AFG1L: variants seen among roughly 807,000 people sequenced by gnomAD.
AFG1L encodes the protein AFG1-like ATPase.
AFG1L carries 53 observed loss-of-function variants against 62.2 expected under a neutral mutation model. The ratio of observed to expected loss-of-function variants is 0.85; its 90% CI spans 0.68 to 1.07. AFG1L has a LOEUF of 1.07. Among genes scored for constraint, AFG1L ranks in the 50% least tolerant of loss-of-function variants. AFG1L has a pLI of 0.00. For synonymous variants in AFG1L, 228 were observed against 210.3 expected (o/e 1.08, Z -0.73); for missense variants, 555 against 590.5 (o/e 0.94, Z 0.62).
chr6:108,323,777 G>A, intron 1 of AFG1L, 48 bp from the exon 2 acceptor site: 2 of 1,400,934 alleles, frequency 1.4e-6, no homozygotes, highest in East Asian at 2.3e-5. Flanking sequence ...GTAGAGCACT[G>A]TGAAAATGTA....
intron 7 of AFG1L, among the ~76,000 whole-genome samples, chr6:108,403,932 A>G (rs564802983): frequency 2.3e-4 from 35 of 152,224 alleles, no homozygotes; most frequent in African/African-American, 7.2e-4. Flanking sequence ...ATAATATACA[A>G]TTTAAAGTTG....
intron 10 of AFG1L, among the ~76,000 whole-genome samples, chr6:108,494,081 C>T (rs1467916078): frequency 6.6e-6 from 1 of 152,130 alleles, no homozygotes; most frequent in Admixed American, 6.5e-5. Context: ...CTCGGCCTCC[C>T]AAACTGCTGG....
At chr6:108,520,479 C>T (rs753794739) in intron 12 of AFG1L, 1 of 152,276 alleles carries the variant, frequency 6.6e-6, no homozygotes, top group South Asian at 2.1e-4. Context: ...TCTATAAGAA[C>T]GTTATGAGAT....
chr6:108,408,780 C>G (rs980451615), intron 7 of AFG1L, among the ~76,000 whole-genome samples: 1 of 151,874 alleles, frequency 6.6e-6, no homozygotes, highest in Non-Finnish European at 1.5e-5. Flanking sequence ...GCATAAATCT[C>G]TTTCTTAGTT....
intron 10 of AFG1L, among the ~76,000 whole-genome samples, chr6:108,496,824 T>C (rs1773990515): frequency 6.6e-6 from 1 of 152,226 alleles, no homozygotes; most frequent in Non-Finnish European, 1.5e-5. Flanking sequence ...TTACTTATGC[T>C]TTTTTCTGCA....
At chr6:108,347,864 A>C (rs1374932614) in intron 3 of AFG1L, among the ~76,000 whole-genome samples, 1 of 151,636 alleles carries the variant, frequency 6.6e-6, no homozygotes, top group Non-Finnish European at 1.5e-5. Context: ...TTTACTGTCA[A>C]TCAATTATTT....
In AFG1L at chr6:108,522,438, CATAA is replaced by C. The variant is rs1775162148; in HGVS notation, c.*19_*22del. Reference sequence around the variant, plus strand: ...AACCAAGAAGTAACTGCCACTTTTGCATAAATAAAACTCTAGACAAATGGTTAAC... The same window carrying C: ...AACCAAGAAGTAACTGCCACTTTTGCATAAAACTCTAGACAAATGGTTAAC... On this transcript the variant is annotated 3_prime_UTR_variant, in exon 13 of 13. Transcript: ENST00000368977. 6.2e-7 allele frequency: 1 copy of C among 1,603,826 alleles called. No individual in the cohort carries two copies.
intron 6 of AFG1L, among the ~76,000 whole-genome samples, chr6:108,397,981 T>G (rs1485166320): frequency 6.6e-6 from 1 of 152,232 alleles, no homozygotes; most frequent in African/African-American, 2.4e-5. Context: ...GCAGTGAGAT[T>G]GCTGGATCAT....
intron 10 of AFG1L, among the ~76,000 whole-genome samples, chr6:108,492,839 G>C (rs1473372379): frequency 6.6e-6 from 1 of 151,898 alleles, no homozygotes; most frequent in Non-Finnish European, 1.5e-5. Context: ...TGACTTTAAA[G>C]GGTGAATTGT....
At chr6:108,433,567 G>A (rs1192095957) in intron 7 of AFG1L, among the ~76,000 whole-genome samples, 1 of 150,778 alleles carries the variant, frequency 6.6e-6, no homozygotes, top group African/African-American at 2.4e-5. Context: ...GATTACATGT[G>A]TAAACCACCA....
chr6:108,434,572 C>T (rs1771223837), intron 7 of AFG1L, among the ~76,000 whole-genome samples: 1 of 152,168 alleles, frequency 6.6e-6, no homozygotes, highest in Non-Finnish European at 1.5e-5. Context: ...TTTTCTGACA[C>T]CTGCTAACTC....
chr6:108,366,241 C>T lies in AFG1L; in HGVS notation c.657C>T (p.Asp219=), dbSNP rs140305818. 147 of 1,604,170 alleles carry T rather than the reference C, an allele frequency of 9.2e-5. No homozygotes were observed. Among genetic ancestry groups the T allele is most frequent in the Admixed American group, 2.0e-4 (12 of 59,896 alleles). The change falls in exon 6 of 13, where the codon GAC becomes GAT. Residue 219 remains aspartate (D), a synonymous_variant. Coordinates refer to ENST00000368977, the MANE Select transcript of AFG1L (RefSeq NM_145315.5). ...TGTGTTGTTGTCAATAGGTCACTGA[C>T]ATTGCTGATGCCATGATTCTGAAAC... ...LLCFDEFQVT[D]IADAMILKQL...
At chr6:108,331,409 G>A (rs545550999) in intron 2 of AFG1L, among the ~76,000 whole-genome samples, 120 of 152,126 alleles carry the variant, frequency 7.9e-4, no homozygotes, top group Non-Finnish European at 1.4e-3. Flanking sequence ...TTAAAATAAA[G>A]TATACCTTCT....
intron 2 of AFG1L, among the ~76,000 whole-genome samples, chr6:108,326,947 C>CA (rs554908377): frequency 0.024 from 3,450 of 141,280 alleles, 117 homozygotes; most frequent in African/African-American, 0.08. Flanking sequence ...GACTCCGTCT[C>CA]AAAAAAAAAA....
At chr6:108,354,245 T>A (rs937242859) in intron 3 of AFG1L, among the ~76,000 whole-genome samples, 1 of 152,188 alleles carries the variant, frequency 6.6e-6, no homozygotes, top group Admixed American at 6.5e-5. Flanking sequence ...TTTCCCCTTA[T>A]TCACAGAGGA....
At chr6:108,493,642 C>A (rs1485353185) in intron 10 of AFG1L, among the ~76,000 whole-genome samples, 1 of 152,272 alleles carries the variant, frequency 6.6e-6, no homozygotes, top group Admixed American at 6.5e-5. Flanking sequence ...ACAACAGATA[C>A]CAGGTAATTA....
At chr6:108,316,594 T>C (rs1164294285) in intron 1 of AFG1L, among the ~76,000 whole-genome samples, 15 of 145,730 alleles carry the variant, frequency 1.0e-4, no homozygotes, top group African/African-American at 2.3e-4. Context: ...AGTGCAGTGG[T>C]GCGATCTCGG....
chr6:108,343,681 T>C (rs1778764974), intron 2 of AFG1L, among the ~76,000 whole-genome samples: 1 of 152,150 alleles, frequency 6.6e-6, no homozygotes, highest in South Asian at 2.1e-4. Flanking sequence ...AAGTTGAAAA[T>C]AGAATAACCA....
At chr6:108,406,382 G>T in intron 7 of AFG1L, among the ~76,000 whole-genome samples, 1 of 145,668 alleles carries the variant, frequency 6.9e-6, no homozygotes. Context: ...GCTTTGATTT[G>T]CATTTCCCAA....
Sources: allele counts gnomAD v4.1 joint callset (sites outside exome capture counted in the v4.1 genomes callset), GRCh38; gene constraint gnomAD v4.1.1; transcripts MANE v1.5; gene names NCBI Gene and HGNC (gene_info 2026-07-23, HGNC 2026-07-21).